Variants in KDM2B observed in about 807,000 individuals in gnomAD.
KDM2B encodes lysine demethylase 2B.
A neutral mutation model predicts 150.0 loss-of-function variants in KDM2B; 26 were observed. The ratio of observed to expected loss-of-function variants is 0.17; its 90% CI spans 0.13 to 0.24. The LOEUF (loss-of-function observed/expected upper bound fraction) is 0.24. KDM2B is among the 10% of genes least tolerant of loss of function. The pLI is 1.00. For missense variants in KDM2B, 1,265 were observed against 1,816.9 expected, an observed-to-expected ratio of 0.70 and a Z score of 5.52; for synonymous variants, 734 against 729.5, an observed-to-expected ratio of 1.01 and a Z score of -0.10.
chr12:121,580,254 G>A (rs536991976), intron 1 of KDM2B: 2 of 1,241,606 alleles, frequency 1.6e-6, no homozygotes, highest in South Asian at 2.8e-5. Context: ...AGCAGTTGTG[G>A]GGGGGGGGAG....
At chr12:121,548,810 A>G in intron 6 of KDM2B, 67 bp downstream of exon 6, 1 of 1,234,488 alleles carries the variant, frequency 8.1e-7, no homozygotes, top group Non-Finnish European at 1.2e-6. Context: ...CCTCCTTCCC[A>G]CCTCCCCACC....
At chr12:121,441,820 G>A (rs562167668) in intron 19 of KDM2B, among the ~76,000 whole-genome samples, 2 of 152,352 alleles carry the variant, frequency 1.3e-5, no homozygotes, top group African/African-American at 4.8e-5. Flanking sequence ...GTTCATCCAA[G>A]AGGGTAAGGC....
At chr12:121,552,270 C>T (rs1425602499) in intron 4 of KDM2B, among the ~76,000 whole-genome samples, 7 of 152,166 alleles carry the variant, frequency 4.6e-5, no homozygotes, top group Admixed American at 2.6e-4. Context: ...ATGCCCAATT[C>T]GTGAGTGGCA....
At chr12:121,502,781 A>AC (rs1555302243) in intron 11 of KDM2B, among the ~76,000 whole-genome samples, 5 of 148,946 alleles carry the variant, frequency 3.4e-5, no homozygotes, top group African/African-American at 1.0e-4. Context: ...AAAAAAAAAA[A>AC]AAAAAACTTA....
chr12:121,413,575 C>CTTT, the KDM2B span, among the ~76,000 whole-genome samples: 5 of 108,740 alleles, frequency 4.6e-5, no homozygotes, highest in African/African-American at 8.6e-5. Context: ...CCATGCCCAG[C>CTTT]TTTTTTTTTT....
At chr12:121,464,566 G>T (rs1879587429) in intron 12 of KDM2B, among the ~76,000 whole-genome samples, 1 of 152,204 alleles carries the variant, frequency 6.6e-6, no homozygotes, top group African/African-American at 2.4e-5. Context: ...AAGTACACAG[G>T]CTCGGAAGGT....
intron 12 of KDM2B, among the ~76,000 whole-genome samples, chr12:121,462,307 T>C (rs782318665): frequency 3.3e-5 from 5 of 152,080 alleles, no homozygotes; most frequent in Non-Finnish European, 5.9e-5. Context: ...GGTTTTTTAA[T>C]ATAGAGAGAG....
intron 12 of KDM2B, among the ~76,000 whole-genome samples, chr12:121,482,940 C>T (rs954200290): frequency 2.6e-5 from 4 of 151,814 alleles, no homozygotes; most frequent in Admixed American, 1.3e-4. Context: ...CCAAGCGGGG[C>T]GGATCACCTG....
intron 6 of KDM2B, among the ~76,000 whole-genome samples, chr12:121,539,995 C>T (rs1555309464): frequency 6.6e-6 from 1 of 152,138 alleles, no homozygotes; most frequent in East Asian, 1.9e-4. Context: ...CCACCTGGAC[C>T]TCCTAAAGTG....
intron 1 of KDM2B, among the ~76,000 whole-genome samples, chr12:121,579,832 A>G (rs1555317605): frequency 4.0e-5 from 6 of 151,006 alleles, no homozygotes; most frequent in Admixed American, 4.0e-4. Context: ...AAGCCTCACA[A>G]GGGGCTGGAG....
chr12:121,451,352 G>GT (rs1271851306), intron 13 of KDM2B, among the ~76,000 whole-genome samples: 24 of 152,170 alleles, frequency 1.6e-4, no homozygotes, highest in African/African-American at 5.8e-4. Context: ...TTAATGGACT[G>GT]TTTTTGTTAC....
chr12:121,493,778 A>G (rs1442222216), intron 12 of KDM2B: 1 of 152,216 alleles, frequency 6.6e-6, no homozygotes, highest in African/African-American at 2.4e-5. Context: ...CTGCTCCTAC[A>G]AAGTCCTCAA....
At chr12:121,484,223 G>A (rs905739370) in intron 12 of KDM2B, among the ~76,000 whole-genome samples, 1 of 152,158 alleles carries the variant, frequency 6.6e-6, no homozygotes, top group Non-Finnish European at 1.5e-5. Flanking sequence ...AGGGTGAGGC[G>A]GCTGGGGAGG....
chr12:121,434,634 G>A (rs957619770), intron 22 of KDM2B, among the ~76,000 whole-genome samples: 2 of 152,040 alleles, frequency 1.3e-5, no homozygotes, highest in Non-Finnish European at 2.9e-5. Context: ...AAATGTTGCT[G>A]GAAAAATTGA....
chr12:121,413,881 G>A, the KDM2B span, among the ~76,000 whole-genome samples: 3 of 151,994 alleles, frequency 2.0e-5, no homozygotes, highest in East Asian at 1.9e-4. Flanking sequence ...GGCTTCACCT[G>A]ACTTTTAAAG....
In KDM2B at chr12:121,486,333, C is replaced by CTTTTTTTTT. The variant is rs71079073; in HGVS notation, c.1734+8237_1734+8245dup. Among the ~76,000 whole-genome samples the CTTTTTTTTT allele has an allele frequency of 2.9e-4, 17 of 59,018 alleles. 4 individuals carry two copies. Among genetic ancestry groups the CTTTTTTTTT allele is most frequent in the African/African-American group, 1.3e-3 (17 of 12,760 alleles). 38.7% of individuals were successfully genotyped at this position (59,018 alleles called of 152,430 possible). On this transcript the variant is annotated intron_variant, in intron 12 of 22. Transcript: ENST00000377071. Reference sequence around the variant, plus strand: ...TGTTGATCAGGCTGGTTTCGAACTCCTTTTTTTTTTTTTTTTTTTTTTTTT... The same window carrying CTTTTTTTTT: ...TGTTGATCAGGCTGGTTTCGAACTCCTTTTTTTTTTTTTTTTTTTTTTTTTTTTTTTTTT...
chr12:121,486,070 CCCT>C (rs1555298860), intron 12 of KDM2B, among the ~76,000 whole-genome samples: 1 of 151,602 alleles, frequency 6.6e-6, no homozygotes, highest in Non-Finnish European at 1.5e-5. Context: ...AGCCACCATG[CCCT>C]GCCTGAAATG....
At chr12:121,454,863 T>C (rs540807702) in intron 12 of KDM2B, among the ~76,000 whole-genome samples, 91 of 152,208 alleles carry the variant, frequency 6.0e-4, no homozygotes, top group African/African-American at 1.9e-3. Context: ...TACACTCCAA[T>C]GGAGAAGAAG....
chr12:121,410,501 C>T, the KDM2B span, among the ~76,000 whole-genome samples: 2 of 149,948 alleles, frequency 1.3e-5, no homozygotes, highest in Admixed American at 6.7e-5. Context: ...TGCGCCACTG[C>T]ATTCCATCCT....
Sources: allele counts gnomAD v4.1 joint callset (sites outside exome capture counted in the v4.1 genomes callset), GRCh38; gene constraint gnomAD v4.1.1; transcripts MANE v1.5; gene names NCBI Gene and HGNC (gene_info 2026-07-23, HGNC 2026-07-21).